Variants in PIDD1 observed in about 807,000 individuals in gnomAD.
PIDD1 encodes p53-induced death domain protein 1, also known as p53-induced death domain-containing protein 1.
Under a neutral mutation model 80.0 loss-of-function variants are expected in PIDD1, and 72 were observed. The observed-to-expected ratio is 0.90, with a 90% CI of 0.74 to 1.09. The LOEUF is 1.09. Among genes scored for constraint, PIDD1 ranks in the 50% least tolerant of loss-of-function variants. The pLI is 0.00. For synonymous variants in PIDD1, 655 were observed against 543.5 expected (o/e 1.21, Z -2.85); for missense variants, 1,329 against 1,228.3 (o/e 1.08, Z -1.23).
chr11:808,143 G>A (rs1865874249), upstream of PIDD1, among the ~76,000 whole-genome samples: 1 of 151,800 alleles, frequency 6.6e-6, no homozygotes, highest in African/African-American at 2.4e-5. Context: ...AAAGTGAGAT[G>A]GGGCTGGGCA....
intron 15 of PIDD1, 86 bp downstream of exon 15, chr11:799,729 G>A: frequency 7.2e-7 from 1 of 1,385,350 alleles, no homozygotes; most frequent in African/African-American, 1.5e-5. Context: ...TCCCCTGGAA[G>A]AAACTTCTGT....
rs755383990 is a variant in PIDD1, at chr11:803,427, C to T, written c.456G>A (p.Ala152=). 17 of 1,613,860 alleles carry T rather than the reference C, an allele frequency of 1.1e-5. No individual in the cohort carries two copies. Among genetic ancestry groups the T allele is most frequent in the South Asian group, 6.6e-5 (6 of 91,080 alleles). Residue 152 remains alanine (A), a synonymous_variant, in exon 3 of 16, where the codon GCG becomes GCA. Transcript: ENST00000347755. ...AGAGGCAGTTGTGAGACAGCAAGAGCGCACCCAGACCTCGCATCTGCAGGA... is the reference window on the plus strand; with the variant it reads ...AGAGGCAGTTGTGAGACAGCAAGAGTGCACCCAGACCTCGCATCTGCAGGA... ...ACVLQMRGLG[A]LLLSHNCLSE... is the part of the protein sequence containing the mutation.
chr11:801,383 CCT>C lies in PIDD1; in HGVS notation c.1483-20_1483-19del. The C allele has an allele frequency of 6.2e-7, 1 of 1,602,026 alleles. No homozygotes were observed. Among genetic ancestry groups the C allele is most frequent in the Non-Finnish European group, 8.5e-7 (1 of 1,173,972 alleles). ...CGCACCACCTGGGGCAGACAGGCCC[CCT>C]GAGCACCTGCCTGTGGGCTGAGGCG... is the stretch of plus-strand genomic sequence containing the variant. On this transcript the variant is annotated intron_variant, in intron 8 of 15. Transcript: ENST00000347755.
chr11:803,145 C>A, intron 3 of PIDD1, 29 bp downstream of exon 3: 1 of 1,494,798 alleles, frequency 6.7e-7, no homozygotes, highest in Non-Finnish European at 9.1e-7. Context: ...CCCGTGGGGC[C>A]AGTGTGTCGG....
At chr11:809,354 T>G (rs1358871656), upstream of PIDD1, 1 of 152,262 alleles carries the variant, frequency 6.6e-6, no homozygotes, top group African/African-American at 2.4e-5. Context: ...GACACCGCAG[T>G]GCGGGGGCGG....
intron 14 of PIDD1, 42 bp downstream of exon 14, chr11:800,079 TCACCCCTGGG>T: frequency 1.2e-6 from 2 of 1,604,540 alleles, no homozygotes; most frequent in Non-Finnish European, 1.7e-6. Context: ...GTCACCCTGG[TCACCCCTGGG>T]CCTCGGTCCT....
At position 803,370 on chromosome 11, in the gene PIDD1, G is replaced by A. The variant is rs373150170; in HGVS notation, c.513C>T (p.Pro171=). 8.5e-5 allele frequency: 137 copies of A among 1,613,868 alleles called. No individual in the cohort carries two copies. Among genetic ancestry groups the A allele is most frequent in the Non-Finnish European group, 1.1e-4 (129 of 1,179,988 alleles). ...SELPEALGAL[P]ALTFLTVTHN... ...GTGTCACTGTGAGGAAGGTGAGGGC[G>A]GGGAGGGCCCCCAGAGCCTCAGGCA... The change falls in exon 3 of 16, where the codon CCC becomes CCT. Residue 171 remains proline (P), a synonymous_variant. Transcript: ENST00000347755.
chr11:804,139 G>C lies in PIDD1; in HGVS notation c.250C>G (p.Gln84Glu). 1 of 1,613,250 alleles carries C rather than the reference G, an allele frequency of 6.2e-7. No individual in the cohort carries two copies. Among genetic ancestry groups the C allele is most frequent in the Non-Finnish European group, 8.5e-7 (1 of 1,179,778 alleles). Residue 84 changes from glutamine to glutamate, a missense_variant, in exon 2 of 16, where the codon CAG becomes GAG. Coordinates refer to ENST00000347755, the MANE Select transcript of PIDD1 (RefSeq NM_145886.4). ...AGGCAGGACAGGCTCTGAGGCAGCTGGGCCAGGGTGGCCTCCAGCAGCTGA... is the reference window on the plus strand; with the variant it reads ...AGGCAGGACAGGCTCTGAGGCAGCTCGGCCAGGGTGGCCTCCAGCAGCTGA... Reference protein sequence around the residue: ...DPQLLEATLAQLPQSLSCLRS... With the variant: ...DPQLLEATLAELPQSLSCLRS...
rs758763547 is a variant in PIDD1, at chr11:800,845, G to A, written c.1834C>T (p.Arg612Trp). Residue 612 changes from arginine to tryptophan, a missense_variant, in exon 11 of 16, where the codon CGG becomes TGG. Transcript: ENST00000347755. Reference sequence around the variant, plus strand: ...GCGATGAGGTTCACACGGTGCAGCCGCAGCCGCTCCCAGGCCTTCCGAGCC... The same window carrying A: ...GCGATGAGGTTCACACGGTGCAGCCACAGCCGCTCCCAGGCCTTCCGAGCC... ...GLARKAWERL[R>W]LHRVNLIALQ... is the part of the protein sequence containing the mutation. 9.5e-6 allele frequency: 15 copies of A among 1,570,798 alleles called. No homozygotes were observed. The highest frequency in any genetic ancestry group is 4.0e-5 in the African/African-American group (3 of 74,210).
At position 801,382 on chromosome 11, in the gene PIDD1, C is replaced by T. The variant is rs201574774; in HGVS notation, c.1483-17G>A. On this transcript the variant is annotated splice_polypyrimidine_tract_variant and intron_variant, in intron 8 of 15. Transcript: ENST00000347755. ...GCGCACCACCTGGGGCAGACAGGCC[C>T]CCTGAGCACCTGCCTGTGGGCTGAG... 6.6e-4 allele frequency: 1,065 copies of T among 1,602,858 alleles called. 6 individuals are homozygous for T. Among genetic ancestry groups the T allele is most frequent in the Middle Eastern group, 6.0e-3 (36 of 6,016 alleles).
intron 2 of PIDD1, 55 bp from the exon 3 acceptor site, chr11:803,642 T>C (rs1021289722): frequency 1.9e-6 from 3 of 1,548,432 alleles, no homozygotes; most frequent in African/African-American, 1.4e-5. Flanking sequence ...AGGTCCCAGA[T>C]CGACCCTGCC....
At chr11:804,723 G>A (rs987675018) in intron 1 of PIDD1, 9 of 311,294 alleles carry the variant, frequency 2.9e-5, no homozygotes, top group Non-Finnish European at 3.6e-5. Context: ...GGGGTAGTGA[G>A]GCTTCAGTCC....
rs578222814 is a variant in PIDD1 at position 800,770 on chromosome 11, G to A, written c.1909C>T (p.Arg637Ter). ...CCGGCCCGTGCCCCCACCTTGTTTC[G>A]GGGCAGGCACTGCAGCAGGACCTGC... Reference protein sequence around the residue: ...PEQVLLQCLPRNKVDATLRRL... With the variant: ...PEQVLLQCLP Residue 637 changes from arginine (R) to a stop codon, truncating the protein, a stop_gained, in exon 11 of 16, where the codon CGA becomes TGA. Coordinates refer to ENST00000347755, the MANE Select transcript of PIDD1 (RefSeq NM_145886.4). LOFTEE classifies it high-confidence loss of function. The A allele has an allele frequency of 4.8e-5, 74 of 1,548,614 alleles. No homozygotes were observed. The highest frequency in any genetic ancestry group is 6.3e-5 in the Non-Finnish European group (72 of 1,147,072).
chr11:803,448 C>T lies in PIDD1; in HGVS notation c.435G>A (p.Leu145=), dbSNP rs1236496765. 1.3e-5 allele frequency: 21 copies of T among 1,613,740 alleles called. No homozygotes were observed. The Admixed American group carries it at 2.8e-4, about 22-fold the overall frequency. ...AGAGCGCACCCAGACCTCGCATCTG[C>T]AGGACACAGGCCGGCAGTGTCTCCA... ...NSLETLPACV[L]QMRGLGALLL... Residue 145 remains leucine (L), a synonymous_variant, in exon 3 of 16, where the codon CTG becomes CTA. Coordinates refer to ENST00000347755, the MANE Select transcript of PIDD1 (RefSeq NM_145886.4).
upstream of PIDD1, among the ~76,000 whole-genome samples, chr11:807,247 T>C (rs938146298): frequency 2.0e-5 from 3 of 150,382 alleles, no homozygotes; most frequent in Non-Finnish European, 4.4e-5. Flanking sequence ...TTCCAGCACT[T>C]TGGGAGGCCG....
Position 799,484 on chromosome 11 carries a change from G to C in PIDD1, c.2556C>G (p.Leu852=), listed in dbSNP as rs763267001. The change falls in exon 16 of 16, where the codon CTC becomes CTG. Residue 852 remains leucine (L), a synonymous_variant. Transcript: ENST00000347755. ...CACTCTGCTCCAGGGCCTGCACCAG[G>C]AGCCCCACAGCCCCTGGCTGCCCAG... The part of the protein sequence containing the change: ...RQAGQPGAVG[L]LVQALEQSDR... 3 of 1,608,626 alleles carry C rather than the reference G, an allele frequency of 1.9e-6. No homozygotes were observed. Among genetic ancestry groups the C allele is most frequent in the Non-Finnish European group, 2.5e-6 (3 of 1,179,874 alleles).
At chr11:806,740 G>T (rs1452150783), upstream of PIDD1, among the ~76,000 whole-genome samples, 1 of 151,878 alleles carries the variant, frequency 6.6e-6, no homozygotes, top group South Asian at 2.1e-4. Context: ...CCACCACCAC[G>T]CCCGGCTAAT....
chr11:801,585 A>G lies in PIDD1; in HGVS notation c.1342T>C (p.Phe448Leu). 1 of 1,567,552 alleles carries G rather than the reference A, an allele frequency of 6.4e-7. No homozygotes were observed. Among genetic ancestry groups the G allele is most frequent in the South Asian group, 1.2e-5 (1 of 85,408 alleles). Reference sequence around the variant, plus strand: ...GACACAGGGCGGGAAACCACAAGGAACCAGGAGAAGTGGGGCACCTGGCAG... The same window carrying G: ...GACACAGGGCGGGAAACCACAAGGAGCCAGGAGAAGTGGGGCACCTGGCAG... ...AHCQVPHFSW[F>L]LVVSRPVSNA... Residue 448 changes from phenylalanine to leucine, a missense_variant, in exon 8 of 16, where the codon TTC (phenylalanine) becomes CTC (leucine). Physicochemically the swap from Phe to Leu is conservative, Grantham distance 22. Coordinates refer to ENST00000347755, the MANE Select transcript of PIDD1 (RefSeq NM_145886.4).
chr11:800,370 G>C lies in PIDD1; in HGVS notation c.2123C>G (p.Thr708Ser). ...LKNVKEVYVT[T>S]TLDREAQAVR... Reference sequence around the variant, plus strand: ...AGCCTGAGCCTCCCGGTCCAGAGTGGTGGTCACGTATACCTCCTTCACATT... The same window carrying C: ...AGCCTGAGCCTCCCGGTCCAGAGTGCTGGTCACGTATACCTCCTTCACATT... The change falls in exon 13 of 16, where the codon ACC (threonine) becomes AGC (serine). Residue 708 changes from threonine (T) to serine (S), a missense_variant. Transcript: ENST00000347755. The C allele has an allele frequency of 6.2e-7, 1 of 1,609,654 alleles. No individual in the cohort carries two copies. The highest frequency in any genetic ancestry group is 8.5e-7 in the Non-Finnish European group (1 of 1,178,234).
Sources: allele counts gnomAD v4.1 joint callset (sites outside exome capture counted in the v4.1 genomes callset), GRCh38; gene constraint gnomAD v4.1.1; transcripts MANE v1.5; gene names NCBI Gene and HGNC (gene_info 2026-07-23, HGNC 2026-07-21).